The following MGAM2 variants were observed in gnomAD, a reference collection of about 807,000 sequenced individuals.
The protein encoded by MGAM2 is probable maltase-glucoamylase 2.
MGAM2 carries 98 observed loss-of-function variants against 96.1 expected under a neutral mutation model. The observed-to-expected ratio is 1.02, with a 90% CI of 0.87 to 1.21. MGAM2 has a LOEUF of 1.21. MGAM2 is among the 50% of genes most tolerant of loss of function. The probability of loss-of-function intolerance (pLI) is 0.00; values close to 1 mark genes in which losing one functional copy is unlikely to be tolerated. For missense variants in MGAM2, 2,055 were observed against 1,182.4 expected, an observed-to-expected ratio of 1.74 and a Z score of -10.82; for synonymous variants, 749 against 414.8, an observed-to-expected ratio of 1.81 and a Z score of -9.79.
intron 45 of MGAM2, among the ~76,000 whole-genome samples, chr7:142,201,365 C>T (rs1797227653): frequency 6.6e-6 from 1 of 152,088 alleles, no homozygotes; most frequent in Admixed American, 6.6e-5. Flanking sequence ...CCACCGTTCC[C>T]AGCCCATATA....
At chr7:142,180,815 G>T (rs181269038) in intron 32 of MGAM2, among the ~76,000 whole-genome samples, 157 of 152,240 alleles carry the variant, frequency 1.0e-3, no homozygotes, top group Admixed American at 2.0e-3. Context: ...TCTTTCCTCA[G>T]CTTGGTCTAT....
chr7:142,153,401 T>G (rs1321700292), intron 15 of MGAM2, among the ~76,000 whole-genome samples: 1 of 152,266 alleles, frequency 6.6e-6, no homozygotes, highest in Non-Finnish European at 1.5e-5. Context: ...TTATAGAAAG[T>G]ATCAGATGCG....
chr7:142,184,770 T>C (rs1368024550), intron 33 of MGAM2, among the ~76,000 whole-genome samples: 1 of 152,198 alleles, frequency 6.6e-6, no homozygotes, highest in Non-Finnish European at 1.5e-5. Flanking sequence ...TTGTTATAGG[T>C]CTGTGACAAG....
At chr7:142,184,431 A>T (rs1339195458) in intron 33 of MGAM2, among the ~76,000 whole-genome samples, 2 of 152,210 alleles carry the variant, frequency 1.3e-5, no homozygotes, top group South Asian at 2.1e-4. Flanking sequence ...CATACAGTGT[A>T]GCATTTATGT....
At chr7:142,114,134 A>G (rs142266354) in intron 1 of MGAM2, among the ~76,000 whole-genome samples, 15,520 of 108,704 alleles carry the variant, frequency 0.14, 1,909 homozygotes, top group African/African-American at 0.24. Context: ...CCATCTCAAA[A>G]AAAGAAAGAA....
intron 12 of MGAM2, among the ~76,000 whole-genome samples, chr7:142,142,871 A>G (rs1035046809): frequency 1.3e-5 from 2 of 152,114 alleles, no homozygotes; most frequent in Non-Finnish European, 2.9e-5. Context: ...AAATGCACTT[A>G]GTTGAATAAA....
At chr7:142,168,152 C>A (rs1297565032) in intron 26 of MGAM2, among the ~76,000 whole-genome samples, 1 of 152,168 alleles carries the variant, frequency 6.6e-6, no homozygotes, top group Non-Finnish European at 1.5e-5. Context: ...TCTCAAACTG[C>A]AGCATGCATC....
chr7:142,205,959 T>C (rs1476009130), intron 45 of MGAM2, among the ~76,000 whole-genome samples: 1 of 152,110 alleles, frequency 6.6e-6, no homozygotes, highest in South Asian at 2.1e-4. Flanking sequence ...TGAGTTAATT[T>C]TTGTGTATGG....
intron 6 of MGAM2, among the ~76,000 whole-genome samples, chr7:142,132,392 TA>T (rs1794915948): frequency 7.0e-6 from 1 of 142,318 alleles, no homozygotes; most frequent in South Asian, 2.1e-4. Context: ...TTATATAATA[TA>T]TAATTATATA....
intron 1 of MGAM2, among the ~76,000 whole-genome samples, chr7:142,113,617 G>A (rs1050661176): frequency 6.6e-6 from 1 of 152,080 alleles, no homozygotes. Context: ...TGGGAGTGAG[G>A]TGTGGGGAGA....
At chr7:142,173,645 A>G (rs1159487394) in intron 31 of MGAM2, among the ~76,000 whole-genome samples, 1 of 152,202 alleles carries the variant, frequency 6.6e-6, no homozygotes, top group Non-Finnish European at 1.5e-5. Context: ...CTGTTTTACC[A>G]AACAAGTTTC....
rs1795789953 is a variant in MGAM2 at position 142,158,092 on chromosome 7, G to C, written c.2078+1G>C. On this transcript the variant is annotated splice_donor_variant, in intron 18 of 47. Transcript: ENST00000477922. LOFTEE classifies it high-confidence loss of function. The stretch of plus-strand genomic sequence containing the variant: ...CGGTAGCAAGGCCCCTTGTACATGA[G>C]TGAGTTTCCTGATTCTCAAAGACTC... The C allele has an allele frequency of 1.4e-6, 1 of 701,854 alleles. No individual in the cohort carries two copies. Among genetic ancestry groups the C allele is most frequent in the African/African-American group, 1.7e-5 (1 of 57,208 alleles). 43.5% of individuals were successfully genotyped at this position (701,854 alleles called of 1,614,324 possible).
intron 10 of MGAM2, among the ~76,000 whole-genome samples, chr7:142,140,170 A>G (rs73158438): frequency 6.6e-6 from 1 of 151,996 alleles, no homozygotes; most frequent in Admixed American, 6.6e-5. Flanking sequence ...CCTGTCCCCA[A>G]AGCCCTCATC....
At chr7:142,177,827 A>G (rs1796422358) in intron 32 of MGAM2, among the ~76,000 whole-genome samples, 1 of 152,208 alleles carries the variant, frequency 6.6e-6, no homozygotes, top group African/African-American at 2.4e-5. Context: ...GCTGTGATAG[A>G]CATAGAAGTA....
intron 10 of MGAM2, among the ~76,000 whole-genome samples, chr7:142,139,703 G>A (rs1171593957): frequency 2.0e-5 from 3 of 150,320 alleles, no homozygotes; most frequent in Non-Finnish European, 4.4e-5. Flanking sequence ...AACATCTGAA[G>A]GAAGACTGAA....
At chr7:142,212,125 A>G (rs1384318642) in intron 46 of MGAM2, among the ~76,000 whole-genome samples, 2 of 152,236 alleles carry the variant, frequency 1.3e-5, no homozygotes, top group South Asian at 2.1e-4. Context: ...AAAATCCTTT[A>G]CAAGCAATCC....
rs1439982360 is a variant in MGAM2, at chr7:142,170,223, C to T, written c.3176C>T (p.Thr1059Ile). Residue 1059 changes from threonine (T) to isoleucine (I), a missense_variant, in exon 27 of 48, where the codon ACT becomes ATT. Physicochemically the swap from Thr to Ile is moderately conservative, Grantham distance 89. Coordinates refer to ENST00000477922, the MANE Select transcript of MGAM2 (RefSeq NM_001293626.2). The stretch of plus-strand genomic sequence containing the variant: ...CAGATTCAACGCAAAAACTCCAGCA[C>T]TGTGATGTAAGCACTATTTATTTGA... ...GIQIQRKNSS[T>I]VIWDSQLPGF... The T allele has an allele frequency of 2.3e-5, 16 of 702,302 alleles. No individual in the cohort carries two copies. The Admixed American group carries it at 2.8e-4, about 12-fold the overall frequency. The allele number at this position is 702,302 out of a possible 1,614,324, so 43.5% of individuals were successfully genotyped here.
intron 32 of MGAM2, among the ~76,000 whole-genome samples, chr7:142,179,001 T>C (rs1319590779): frequency 6.6e-6 from 1 of 152,066 alleles, no homozygotes; most frequent in Non-Finnish European, 1.5e-5. Flanking sequence ...GATGTTTTCC[T>C]AGGTATTCTA....
chr7:142,191,096 C>T (rs981432821), intron 37 of MGAM2, among the ~76,000 whole-genome samples: 4 of 151,604 alleles, frequency 2.6e-5, no homozygotes, highest in African/African-American at 4.9e-5. Context: ...GATGGCACTG[C>T]ACTTCAGCCT....
Sources: allele counts gnomAD v4.1 joint callset (sites outside exome capture counted in the v4.1 genomes callset), GRCh38; gene constraint gnomAD v4.1.1; transcripts MANE v1.5; gene names NCBI Gene and HGNC (gene_info 2026-07-23, HGNC 2026-07-21).